The following UBE2E2 variants were observed in gnomAD, a reference collection of about 807,000 sequenced individuals.
UBE2E2 encodes ubiquitin-conjugating enzyme E2 E2.
UBE2E2 carries 6 observed loss-of-function variants against 24.7 expected under a neutral mutation model. The observed-to-expected ratio is 0.24, with a 90% CI of 0.13 to 0.48. The LOEUF is 0.48. Ranked by LOEUF, UBE2E2 falls within the 20% of genes least tolerant of loss-of-function variation. The pLI is 0.99. For missense variants in UBE2E2, 169 were observed against 245.0 expected (o/e 0.69, Z 2.07); for synonymous variants, 104 against 83.6 (o/e 1.24, Z -1.33).
intron 4 of UBE2E2, among the ~76,000 whole-genome samples, chr3:23,511,819 A>G (rs1694600407): frequency 6.6e-6 from 1 of 152,176 alleles, no homozygotes; most frequent in Non-Finnish European, 1.5e-5. Flanking sequence ...TTTTATTACA[A>G]GGAAAAAACC....
chr3:23,380,165 A>G (rs748890612), intron 3 of UBE2E2, among the ~76,000 whole-genome samples: 7 of 151,080 alleles, frequency 4.6e-5, no homozygotes, highest in African/African-American at 1.5e-4. Context: ...TGAAATTGCT[A>G]TACTCTTGTG....
At chr3:23,240,102 C>T (rs1697219202) in intron 3 of UBE2E2, among the ~76,000 whole-genome samples, 1 of 152,072 alleles carries the variant, frequency 6.6e-6, no homozygotes, top group African/African-American at 2.4e-5. Context: ...TCAATAATAT[C>T]CCTTTATACC....
intron 3 of UBE2E2, among the ~76,000 whole-genome samples, chr3:23,328,980 A>C (rs1013682782): frequency 1.3e-5 from 2 of 152,172 alleles, no homozygotes; most frequent in Non-Finnish European, 2.9e-5. Context: ...CTTAATCTCG[A>C]TAGGCTTTTT....
intron 3 of UBE2E2, among the ~76,000 whole-genome samples, chr3:23,496,918 C>T (rs2125453878): frequency 6.6e-6 from 1 of 152,126 alleles, no homozygotes; most frequent in African/African-American, 2.4e-5. Flanking sequence ...CTAATAATAC[C>T]CTACTTTTGA....
At chr3:23,509,709 G>A (rs1023337493) in intron 4 of UBE2E2, among the ~76,000 whole-genome samples, 40 of 150,394 alleles carry the variant, frequency 2.7e-4, no homozygotes, top group African/African-American at 8.3e-4. Flanking sequence ...GTATATCTCC[G>A]AATGCTATCC....
At chr3:23,274,383 C>T (rs78805054) in intron 3 of UBE2E2, among the ~76,000 whole-genome samples, 3,396 of 152,090 alleles carry the variant, frequency 0.022, 41 homozygotes, top group Non-Finnish European at 0.034. Context: ...TGACGAGTCC[C>T]TCTCTGTTGC....
intron 3 of UBE2E2, among the ~76,000 whole-genome samples, chr3:23,339,628 G>A (rs76373441): frequency 0.012 from 1,748 of 151,954 alleles, 33 homozygotes; most frequent in African/African-American, 0.039. Flanking sequence ...GAGATGATAT[G>A]GTGGGGTTGG....
intron 3 of UBE2E2, among the ~76,000 whole-genome samples, chr3:23,311,752 C>T (rs992856874): frequency 1.3e-5 from 2 of 151,990 alleles, no homozygotes; most frequent in African/African-American, 4.8e-5. Context: ...CTTTTTAAAT[C>T]GTGGGTACAT....
At position 23,589,400 on chromosome 3, in the gene UBE2E2, G is replaced by A. The variant is rs1373849100; in HGVS notation, c.509-334G>A. Among the ~76,000 whole-genome samples the A allele has an allele frequency of 6.6e-6, 1 of 150,770 alleles. No individual in the cohort carries two copies. The highest frequency in any genetic ancestry group is 1.5e-5 in the Non-Finnish European group (1 of 67,844). On this transcript the variant is annotated intron_variant, in intron 5 of 5. Transcript: ENST00000396703. This position sits in a 1 kb window ranked among gnomAD's most constrained non-coding sequence, Gnocchi z 4.1. Reference sequence around the variant, plus strand: ...ATCATGCCACTGCACTCTAGCCTGAGTGACAGAGCAACACCCTGTCTCAAA... The same window carrying A: ...ATCATGCCACTGCACTCTAGCCTGAATGACAGAGCAACACCCTGTCTCAAA...
chr3:23,579,384 CAAAA>C (rs796492703), intron 5 of UBE2E2, among the ~76,000 whole-genome samples: 2 of 86,998 alleles, frequency 2.3e-5, no homozygotes, highest in African/African-American at 3.8e-5. Flanking sequence ...GACTCCATCT[CAAAA>C]AAAAAAAAAA....
At chr3:23,216,188 G>A (rs1022632184) in intron 2 of UBE2E2, among the ~76,000 whole-genome samples, 9 of 151,982 alleles carry the variant, frequency 5.9e-5, no homozygotes, top group African/African-American at 1.9e-4. Context: ...ATAATGCCTC[G>A]CCAACCTTGA....
At chr3:23,463,114 T>C (rs1698845294) in intron 3 of UBE2E2, among the ~76,000 whole-genome samples, 1 of 152,162 alleles carries the variant, frequency 6.6e-6, no homozygotes, top group South Asian at 2.1e-4. Context: ...TTACTGAATG[T>C]TGCATTAATG....
At chr3:23,270,082 G>GAGAAATAGACTATCTATCTATCTATATCT (rs1698191443) in intron 3 of UBE2E2, among the ~76,000 whole-genome samples, 1 of 150,726 alleles carries the variant, frequency 6.6e-6, no homozygotes, top group African/African-American at 2.4e-5. Flanking sequence ...CACCCCAGCA[G>GAGAAATAGACTATCTATCTATCTATATCT]CAATGAGCTA....
chr3:23,418,431 C>CT (rs1433740198), intron 3 of UBE2E2, among the ~76,000 whole-genome samples: 21 of 152,268 alleles, frequency 1.4e-4, no homozygotes, highest in African/African-American at 5.1e-4. Flanking sequence ...ATGCAGAAAT[C>CT]ACCCACCTTC....
rs369212073 is a variant in UBE2E2, at chr3:23,422,723, A to G, written c.228-76885A>G. ...GACAGGCAGATTTTCACTCAAGGAA[A>G]CACTTAACAATTAGAGCAGACTAGA... On this transcript the variant is annotated intron_variant, in intron 3 of 5. Coordinates refer to ENST00000396703, the MANE Select transcript of UBE2E2 (RefSeq NM_152653.4). Among the ~76,000 whole-genome samples the G allele has an allele frequency of 4.0e-4, 61 of 152,350 alleles. 2 individuals are homozygous for G. The South Asian group carries it at 0.012, about 31-fold the overall frequency.
Position 23,443,555 on chromosome 3 carries a change from A to G in UBE2E2, c.228-56053A>G, listed in dbSNP as rs140438167. Among the ~76,000 whole-genome samples, 341 of 152,320 alleles carry G rather than the reference A, an allele frequency of 2.2e-3. 3 individuals are homozygous for G. Among genetic ancestry groups the G allele is most frequent in the African/African-American group, 7.8e-3 (325 of 41,556 alleles). The stretch of plus-strand genomic sequence containing the variant: ...ATTGGCCAAAGATTCATCTTTCAGT[A>G]TATTAATTCCTCCATGGGGGTATGC... On this transcript the variant is annotated intron_variant, in intron 3 of 5. Coordinates refer to ENST00000396703, the MANE Select transcript of UBE2E2 (RefSeq NM_152653.4).
intron 3 of UBE2E2, among the ~76,000 whole-genome samples, chr3:23,217,606 G>A (rs1559442929): frequency 6.6e-6 from 1 of 152,030 alleles, no homozygotes; most frequent in Non-Finnish European, 1.5e-5. Flanking sequence ...AGTGGAAGAG[G>A]TGTTAGGGCC....
chr3:23,356,706 A>T (rs1695965108), intron 3 of UBE2E2, among the ~76,000 whole-genome samples: 1 of 152,160 alleles, frequency 6.6e-6, no homozygotes, highest in African/African-American at 2.4e-5. Context: ...ATCAATTCCA[A>T]GTAGTTTTAG....
chr3:23,532,536 C>A lies in UBE2E2; in HGVS notation c.361-18C>A. 1 of 1,497,184 alleles carries A rather than the reference C, an allele frequency of 6.7e-7. No individual in the cohort carries two copies. The highest frequency in any genetic ancestry group is 2.3e-5 in the East Asian group (1 of 43,370). 92.7% of individuals were successfully genotyped at this position (1,497,184 alleles called of 1,614,324 possible). The stretch of plus-strand genomic sequence containing the variant: ...AAACACTTTGTCTAACAAAATATAA[C>A]TTTACATTTTCTTGTAGGTTACCTT... On this transcript the variant is annotated intron_variant, in intron 4 of 5. Coordinates refer to ENST00000396703, the MANE Select transcript of UBE2E2 (RefSeq NM_152653.4).
Sources: gnomAD v4.1 joint callset for allele counts (sites outside exome capture counted in the v4.1 genomes callset) on GRCh38, gnomAD v4.1.1 for gene constraint, Gnocchi (gnomAD v3.1) non-coding constraint, MANE v1.5 for transcripts, NCBI Gene and HGNC (gene_info 2026-07-23, HGNC 2026-07-21) for gene names.